The following LSAMP variants were observed in gnomAD, a reference collection of about 807,000 sequenced individuals.
The protein encoded by LSAMP is limbic system associated membrane protein, also known as limbic system-associated membrane protein.
Under a neutral mutation model 38.6 loss-of-function variants are expected in LSAMP, and 7 were observed. The observed-to-expected ratio is 0.18, with a 90% confidence interval of 0.10 to 0.34. LSAMP has a LOEUF of 0.34. Among genes scored for constraint, LSAMP ranks in the 10% least tolerant of loss-of-function variants. The pLI is 1.00. For missense variants in LSAMP, 313 were observed against 420.0 expected (o/e 0.75, Z 2.23); for synonymous variants, 154 against 166.8 (o/e 0.92, Z 0.59).
intron 4 of LSAMP, among the ~76,000 whole-genome samples, chr3:115,844,555 G>A (rs1452429837): frequency 1.3e-5 from 2 of 152,200 alleles, no homozygotes; most frequent in Non-Finnish European, 2.9e-5. Context: ...ACACAGAATA[G>A]AGGTTCTGGG....
At chr3:116,425,228 A>T (rs1488047951) in intron 1 of LSAMP, among the ~76,000 whole-genome samples, 1 of 152,226 alleles carries the variant, frequency 6.6e-6, no homozygotes, top group African/African-American at 2.4e-5. Flanking sequence ...TGATATTTTC[A>T]TTGACCCTTC....
intron 1 of LSAMP, among the ~76,000 whole-genome samples, chr3:116,181,521 ACCTATTT>A (rs1710484547): frequency 6.6e-6 from 1 of 152,008 alleles, no homozygotes; most frequent in Non-Finnish European, 1.5e-5. Flanking sequence ...TCCAAAATGA[ACCTATTT>A]CCTAAGGAGG....
intron 1 of LSAMP, among the ~76,000 whole-genome samples, chr3:116,369,524 C>T (rs2048402539): frequency 1.3e-5 from 2 of 152,110 alleles, no homozygotes; most frequent in East Asian, 1.9e-4. Context: ...GCCGTCTAGC[C>T]ACTCTAGAAT....
chr3:115,991,211 G>A (rs763692133), intron 3 of LSAMP, among the ~76,000 whole-genome samples: 41 of 151,872 alleles, frequency 2.7e-4, no homozygotes, highest in Non-Finnish European at 5.3e-4. Flanking sequence ...AACTAAACAG[G>A]GATTAGACTT....
intron 1 of LSAMP, among the ~76,000 whole-genome samples, chr3:116,374,348 T>G (rs2048468425): frequency 2.0e-5 from 3 of 151,922 alleles, no homozygotes; most frequent in African/African-American, 7.2e-5. Context: ...TTGATTTTCA[T>G]GAAACACTTT....
intron 1 of LSAMP, among the ~76,000 whole-genome samples, chr3:116,306,786 C>T (rs1481105725): frequency 6.6e-6 from 1 of 151,970 alleles, no homozygotes; most frequent in East Asian, 1.9e-4. Context: ...TGAGTGAAAA[C>T]AGGTTTTATG....
chr3:116,256,030 C>G (rs2046746255), intron 1 of LSAMP, among the ~76,000 whole-genome samples: 1 of 152,044 alleles, frequency 6.6e-6, no homozygotes, highest in Admixed American at 6.6e-5. Flanking sequence ...CCTTGTTTAT[C>G]CGATCTAATG....
chr3:115,942,007 ATTATT>A (rs1021226539), intron 3 of LSAMP, among the ~76,000 whole-genome samples: 33 of 145,674 alleles, frequency 2.3e-4, no homozygotes, highest in African/African-American at 7.7e-4. Context: ...TAAAATAAGA[ATTATT>A]TTGTTTTAAT....
intron 1 of LSAMP, among the ~76,000 whole-genome samples, chr3:116,255,330 TACAAG>T (rs1297982465): frequency 6.6e-6 from 1 of 152,176 alleles, no homozygotes; most frequent in Admixed American, 6.5e-5. Context: ...TGCAAAATCA[TACAAG>T]AGAGAGAAAG....
intron 1 of LSAMP, among the ~76,000 whole-genome samples, chr3:116,275,959 G>A (rs564670511): frequency 8.1e-4 from 123 of 152,228 alleles, no homozygotes; most frequent in African/African-American, 2.6e-3. Flanking sequence ...TGTAAATTAC[G>A]TAAAGTTTTT....
chr3:116,086,321 T>A lies in LSAMP; in HGVS notation c.388+3A>T, dbSNP rs749403016. ...CCACCCTTCTATCCCACACTTTCCT[T>A]ACCTTGTACGATCAAGTAAACTTGG... On this transcript the variant is annotated splice_donor_region_variant and intron_variant, in intron 2 of 6. Coordinates refer to ENST00000490035, the MANE Select transcript of LSAMP (RefSeq NM_002338.5). 1.2e-6 allele frequency: 2 copies of A among 1,612,766 alleles called. No individual in the cohort carries two copies. Among genetic ancestry groups the A allele is most frequent in the Admixed American group, 3.3e-5 (2 of 59,988 alleles).
At chr3:115,888,853 T>A (rs1384297484) in intron 3 of LSAMP, among the ~76,000 whole-genome samples, 1 of 151,932 alleles carries the variant, frequency 6.6e-6, no homozygotes, top group Non-Finnish European at 1.5e-5. Flanking sequence ...TGAGATTATT[T>A]AGAATGGAAT....
At chr3:116,070,965 T>G (rs1480066512) in intron 2 of LSAMP, among the ~76,000 whole-genome samples, 1 of 151,292 alleles carries the variant, frequency 6.6e-6, no homozygotes, top group African/African-American at 2.4e-5. Flanking sequence ...GCTTGAACCC[T>G]GGAGGTGGAG....
At chr3:115,920,920 G>A (rs1937368015) in intron 3 of LSAMP, among the ~76,000 whole-genome samples, 2 of 151,516 alleles carry the variant, frequency 1.3e-5, no homozygotes, top group African/African-American at 4.8e-5. Flanking sequence ...ATATCTTCCT[G>A]GTGAATTGAC....
intron 3 of LSAMP, among the ~76,000 whole-genome samples, chr3:115,884,992 G>A (rs953376748): frequency 6.6e-6 from 1 of 152,022 alleles, no homozygotes. Context: ...ACTAAAAAAG[G>A]CGTTCACAGA....
intron 1 of LSAMP, among the ~76,000 whole-genome samples, chr3:116,105,732 GCATAT>G (rs1169941113): frequency 3.3e-5 from 5 of 152,182 alleles, no homozygotes; most frequent in African/African-American, 1.2e-4. Context: ...GGCCATCTGG[GCATAT>G]ACGTGCAAGT....
chr3:116,110,597 A>G (rs1360629701), intron 1 of LSAMP, among the ~76,000 whole-genome samples: 3 of 152,168 alleles, frequency 2.0e-5, no homozygotes, highest in Non-Finnish European at 4.4e-5. Context: ...GAAAGGAGAA[A>G]GAGGTTGAGG....
chr3:116,209,907 C>T (rs9865806), intron 1 of LSAMP, among the ~76,000 whole-genome samples: 76,237 of 151,832 alleles, frequency 0.5, 21,537 homozygotes, highest in East Asian at 0.74. Flanking sequence ...TCCGCCACCT[C>T]GCCCGGCAAA....
intron 1 of LSAMP, among the ~76,000 whole-genome samples, chr3:116,140,475 G>A (rs1456844336): frequency 5.3e-5 from 8 of 151,938 alleles, no homozygotes; most frequent in African/African-American, 1.4e-4. Context: ...CCCAAGTGAC[G>A]GTGGTGGAAG....
Sources: gnomAD v4.1 joint callset for allele counts (sites outside exome capture counted in the v4.1 genomes callset) on GRCh38, gnomAD v4.1.1 for gene constraint, MANE v1.5 for transcripts, NCBI Gene and HGNC (gene_info 2026-07-23, HGNC 2026-07-21) for gene names.